Variants in HMCN2 observed in about 807,000 individuals in gnomAD.
The protein encoded by HMCN2 is hemicentin 2.
A neutral mutation model predicts 377.5 loss-of-function variants in HMCN2; 325 were observed. The ratio of observed to expected loss-of-function variants is 0.86; its 90% CI spans 0.79 to 0.94. The LOEUF (loss-of-function observed/expected upper bound fraction) is 0.94, where lower values mean the gene tolerates loss of function less well. Ranked by LOEUF, HMCN2 falls within the 40% of genes least tolerant of loss-of-function variation. HMCN2 has a pLI of 0.00. For synonymous variants in HMCN2, 2,007 were observed against 2,046.8 expected, an observed-to-expected ratio of 0.98 and a Z score of 0.53; for missense variants, 4,543 against 4,725.3, an observed-to-expected ratio of 0.96 and a Z score of 1.13.
rs945484310 is a variant in HMCN2, at chr9:130,396,026, G to A, written c.11014G>A (p.Ala3672Thr). ...CTACAGCTGCACAGCCCGCAACGCC[G>A]CAGGCAGCACTAGTGTCGCCTTCCG... is the stretch of plus-strand genomic sequence containing the variant. The part of the protein sequence containing the change: ...GDYSCTARNA[A>T]GSTSVAFRVE... The change falls in exon 72 of 98, where the codon GCA becomes ACA. Residue 3672 changes from alanine to threonine, a missense_variant. By Grantham distance (58) the Ala-to-Thr change is moderately conservative. Coordinates refer to ENST00000683500, the MANE Select transcript of HMCN2 (RefSeq NM_001291815.2). The A allele has an allele frequency of 4.0e-5, 52 of 1,287,030 alleles. No homozygotes were observed. In the African/African-American group the frequency reaches 5.6e-4, roughly 14 times the overall value. 79.7% of individuals were successfully genotyped at this position (1,287,030 alleles called of 1,614,324 possible). A position where few individuals can be genotyped will look rare whatever the true frequency, so the allele number is the denominator to read the frequency against.
chr9:130,362,536 T>C (rs1231091553), intron 39 of HMCN2, among the ~76,000 whole-genome samples: 3 of 152,288 alleles, frequency 2.0e-5, no homozygotes, highest in Non-Finnish European at 4.4e-5. Flanking sequence ...TCTTTTCATA[T>C]TAACTCTTTG....
intron 22 of HMCN2, among the ~76,000 whole-genome samples, chr9:130,328,739 G>T (rs1838275025): frequency 6.6e-6 from 1 of 152,168 alleles, no homozygotes; most frequent in African/African-American, 2.4e-5. Flanking sequence ...ATGCAACCTC[G>T]GGTGGCCACT....
At position 130,355,016 on chromosome 9, in the gene HMCN2, C is replaced by T. The variant is rs1295072327; in HGVS notation, c.5118C>T (p.Ala1706=). The T allele has an allele frequency of 1.8e-5, 23 of 1,290,744 alleles. No individual in the cohort carries two copies. The highest frequency in any genetic ancestry group is 8.7e-5 in the South Asian group (7 of 80,826). 80.0% of individuals were successfully genotyped at this position (1,290,744 alleles called of 1,614,324 possible). ...SCVASSPAGE[A]VLQYSVEVQV... ...TGGCCAGCAGTCCTGCCGGGGAAGC[C>T]GTCCTGCAGTACTCCGTGGAGGTTC... Residue 1706 remains alanine, a synonymous_variant, in exon 32 of 98, where the codon GCC becomes GCT. Coordinates refer to ENST00000683500, the MANE Select transcript of HMCN2 (RefSeq NM_001291815.2).
Position 130,362,175 on chromosome 9 carries a change from G to T in HMCN2, c.6108+10G>T, listed in dbSNP as rs1840421499. On this transcript the variant is annotated intron_variant, in intron 39 of 97. Coordinates refer to ENST00000683500, the MANE Select transcript of HMCN2 (RefSeq NM_001291815.2). ...GACCCCTGGCCTGCAGGTCAGTAGG[G>T]CTGGGTGGCCCCGGCTCAACCTCCC... 1 of 985,788 alleles carries T rather than the reference G, an allele frequency of 1.0e-6. No individual in the cohort carries two copies. Among genetic ancestry groups the T allele is most frequent in the Non-Finnish European group, 1.2e-6 (1 of 829,974 alleles). 61.1% of individuals were successfully genotyped at this position (985,788 alleles called of 1,614,324 possible).
rs1051527842 is a variant in HMCN2, at chr9:130,304,740, G to A, written c.1554G>A (p.Pro518=). Residue 518 remains proline (P), a synonymous_variant, in exon 11 of 98, where the codon CCG becomes CCA. Coordinates refer to ENST00000683500, the MANE Select transcript of HMCN2 (RefSeq NM_001291815.2). The surrounding 1 kb of genome is among the most constrained non-coding windows in gnomAD (Gnocchi z 4.3). ...CTCATGTCCCTGCAGACCCCCCGCC[G>A]CAGCTGGTCCCTGCTCCCAACGTGA... ...KAQIVVTDPP[P]QLVPAPNVTV... The A allele has an allele frequency of 1.3e-5, 6 of 463,526 alleles. No individual in the cohort carries two copies. Among genetic ancestry groups the A allele is most frequent in the East Asian group, 7.1e-5 (1 of 14,174 alleles). 28.7% of individuals were successfully genotyped at this position (463,526 alleles called of 1,614,324 possible). A position where few individuals can be genotyped will look rare whatever the true frequency, so the allele number is the denominator to read the frequency against.
intron 26 of HMCN2, 87 bp from the exon 27 acceptor site, chr9:130,348,458 A>G: frequency 2.4e-6 from 3 of 1,247,404 alleles, no homozygotes; most frequent in Non-Finnish European, 3.1e-6. Context: ...CCAGTGACGA[A>G]GGGGAGGGAA....
In HMCN2 at chr9:130,369,790, C is replaced by T. The variant is rs1840914820; in HGVS notation, c.7008C>T (p.Tyr2336=). 2 of 985,968 alleles carry T rather than the reference C, an allele frequency of 2.0e-6. No homozygotes were observed. The highest frequency in any genetic ancestry group is 1.7e-5 in the African/African-American group (1 of 57,256). The allele number at this position is 985,968 out of a possible 1,614,324, so 61.1% of individuals were successfully genotyped here. A position where few individuals can be genotyped will look rare whatever the true frequency, so the allele number is the denominator to read the frequency against. Residue 2336 remains tyrosine, a synonymous_variant, in exon 45 of 98, where the codon TAC becomes TAT. Coordinates refer to ENST00000683500, the MANE Select transcript of HMCN2 (RefSeq NM_001291815.2). The surrounding 1 kb of genome is among the most constrained non-coding windows in gnomAD (Gnocchi z 4.5). ...ERAQAAHTGR[Y]SCVAENLAGR... ...CCCAGGCTGCCCACACTGGACGCTA[C>T]AGCTGTGTGGCCGAGAACCTGGCTG...
intron 57 of HMCN2, among the ~76,000 whole-genome samples, chr9:130,384,045 G>A (rs547285844): frequency 4.6e-5 from 7 of 152,316 alleles, no homozygotes; most frequent in African/African-American, 1.7e-4. Flanking sequence ...GCACTGCAGT[G>A]GCTGTGAGTT....
intron 41 of HMCN2, 69 bp from the exon 42 acceptor site, chr9:130,365,560 TCA>T: frequency 7.9e-6 from 6 of 758,678 alleles, no homozygotes; most frequent in Non-Finnish European, 9.6e-6. Context: ...ATGTCTGCAG[TCA>T]CACAGTCTGT....
intron 22 of HMCN2, among the ~76,000 whole-genome samples, chr9:130,336,964 C>T (rs1769020919): frequency 6.6e-6 from 1 of 152,076 alleles, no homozygotes. Context: ...GCCAGGCATC[C>T]CGGGCCTGCT....
intron 57 of HMCN2, among the ~76,000 whole-genome samples, chr9:130,383,916 C>CA (rs1841872226): frequency 6.6e-6 from 1 of 152,214 alleles, no homozygotes; most frequent in South Asian, 2.1e-4. Flanking sequence ...GTTAGCCCAC[C>CA]CAGCTTTGCA....
Position 130,400,965 on chromosome 9 carries a change from ACAGAGAGAGG to A in HMCN2, c.11770+22_11770+31del. ...ACCATCGGGTAAGTAAGGGTAAGCC[ACAGAGAGAGG>A]CAGCTGAGGGGAGACTGGGAGAGCA... On this transcript the variant is annotated intron_variant, in intron 77 of 97. Coordinates refer to ENST00000683500, the MANE Select transcript of HMCN2 (RefSeq NM_001291815.2). 1 of 1,278,826 alleles carries A rather than the reference ACAGAGAGAGG, an allele frequency of 7.8e-7. No homozygotes were observed. Among genetic ancestry groups the A allele is most frequent in the Non-Finnish European group, 1.0e-6 (1 of 983,672 alleles). 79.2% of individuals were successfully genotyped at this position (1,278,826 alleles called of 1,614,324 possible). A position where few individuals can be genotyped will look rare whatever the true frequency, so the allele number is the denominator to read the frequency against.
At position 130,393,417 on chromosome 9, in the gene HMCN2, C is replaced by A. The variant is rs907300399; in HGVS notation, c.10234+108C>A. On this transcript the variant is annotated intron_variant, in intron 67 of 97. Coordinates refer to ENST00000683500, the MANE Select transcript of HMCN2 (RefSeq NM_001291815.2). The surrounding 1 kb of genome is among the most constrained non-coding windows in gnomAD (Gnocchi z 5.2). ...TGGAACCAAGGATGGGCCCTGGGGG[C>A]GTCGAGGAGAGCGGACACTGCGGCT... 7.4e-6 allele frequency: 5 copies of A among 673,246 alleles called. No homozygotes were observed. Among genetic ancestry groups the A allele is most frequent in the Non-Finnish European group, 9.3e-6 (5 of 538,068 alleles). 41.7% of individuals were successfully genotyped at this position (673,246 alleles called of 1,614,324 possible). A position where few individuals can be genotyped will look rare whatever the true frequency, so the allele number is the denominator to read the frequency against.
In HMCN2 at chr9:130,425,963, G is replaced by C. The variant is rs1844329616; in HGVS notation, c.13879+39G>C. 6.9e-6 allele frequency: 10 copies of C among 1,447,732 alleles called. No homozygotes were observed. In the East Asian group the frequency reaches 2.5e-4, roughly 36 times the overall value. The allele number at this position is 1,447,732 out of a possible 1,614,324, so 89.7% of individuals were successfully genotyped here. A position where few individuals can be genotyped will look rare whatever the true frequency, so the allele number is the denominator to read the frequency against. On this transcript the variant is annotated intron_variant, in intron 90 of 97. Transcript: ENST00000683500. ...GCTTTGTTCCACCCCCACTGCCCCA[G>C]CTAAAACCTGCCAGGGGGCCCAAAT...
At chr9:130,341,465 C>G (rs992820403) in intron 24 of HMCN2, 100 bp downstream of exon 24, 1 of 152,280 alleles carries the variant, frequency 6.6e-6, no homozygotes, top group African/African-American at 2.4e-5. Flanking sequence ...TGTGCCTGCC[C>G]GTTCCCTTCC....
At chr9:130,322,203 TG>T (rs1837887172) in intron 19 of HMCN2, among the ~76,000 whole-genome samples, 1 of 152,224 alleles carries the variant, frequency 6.6e-6, no homozygotes, top group Non-Finnish European at 1.5e-5. Flanking sequence ...CACACCTATG[TG>T]TAGTATATAT....
At chr9:130,368,756 G>C (rs1415545270) in intron 44 of HMCN2, among the ~76,000 whole-genome samples, 2 of 152,064 alleles carry the variant, frequency 1.3e-5, no homozygotes, top group Non-Finnish European at 2.9e-5. Context: ...GAGAGCCAGG[G>C]GGGAAGCACC....
chr9:130,351,310 G>A lies in HMCN2; in HGVS notation c.4431-113G>A. On this transcript the variant is annotated intron_variant, in intron 29 of 97. Coordinates refer to ENST00000683500, the MANE Select transcript of HMCN2 (RefSeq NM_001291815.2). The surrounding 1 kb of genome is among the most constrained non-coding windows in gnomAD (Gnocchi z 5.4). Reference sequence around the variant, plus strand: ...GCCTTTGCATTGCTCCCACCTCTTGGCGCTAATGAATGGCCCAGCCTCGCT... The same window carrying A: ...GCCTTTGCATTGCTCCCACCTCTTGACGCTAATGAATGGCCCAGCCTCGCT... The A allele has an allele frequency of 1.3e-6, 1 of 773,306 alleles. No individual in the cohort carries two copies. Among genetic ancestry groups the A allele is most frequent in the Non-Finnish European group, 1.8e-6 (1 of 558,372 alleles). 47.9% of individuals were successfully genotyped at this position (773,306 alleles called of 1,614,324 possible).
At chr9:130,282,696 C>G (rs1193236182) in intron 1 of HMCN2, among the ~76,000 whole-genome samples, 1 of 152,218 alleles carries the variant, frequency 6.6e-6, no homozygotes, top group Admixed American at 6.5e-5. Context: ...AGACTGAGCT[C>G]CGCCAACTGG....
Sources: gnomAD v4.1 joint callset for allele counts (sites outside exome capture counted in the v4.1 genomes callset) on GRCh38, gnomAD v4.1.1 for gene constraint, Gnocchi (gnomAD v3.1) non-coding constraint, MANE v1.5 for transcripts, NCBI Gene and HGNC (gene_info 2026-07-23, HGNC 2026-07-21) for gene names.